BMP2K: variants seen among roughly 807,000 people sequenced by gnomAD.
The protein encoded by BMP2K is BMP2 inducible kinase.
A neutral mutation model predicts 116.0 loss-of-function variants in BMP2K; 74 were observed. The observed-to-expected ratio is 0.64, with a 90% CI of 0.53 to 0.77. The LOEUF is 0.77. BMP2K is among the 30% of genes least tolerant of loss of function. BMP2K has a pLI of 0.00. For missense variants in BMP2K, 1,365 were observed against 1,403.6 expected (o/e 0.97, Z 0.44); for synonymous variants, 486 against 502.5 (o/e 0.97, Z 0.44).
In BMP2K at chr4:78,776,489, GGCCGGGGACTT is replaced by G; in HGVS notation, c.-51_-41del. 2.7e-6 allele frequency: 3 copies of G among 1,117,820 alleles called. No individual in the cohort carries two copies. The allele number at this position is 1,117,820 out of a possible 1,614,324, so 69.2% of individuals were successfully genotyped here. On this transcript the variant is annotated 5_prime_UTR_variant, in exon 1 of 16. Coordinates refer to ENST00000502613, the MANE Select transcript of BMP2K (RefSeq NM_198892.2). ...CTCGCGGACGCCCGGCTGCGCGCCG[GGCCGGGGACTT>G]GCCCTTGCACGCTCCCTGCGCCCTC...
chr4:78,830,707 T>G (rs949009182), intron 2 of BMP2K, among the ~76,000 whole-genome samples: 2 of 152,232 alleles, frequency 1.3e-5, no homozygotes, highest in African/African-American at 2.4e-5. Flanking sequence ...CTTCTTTCCT[T>G]AAACCTCATG....
chr4:78,830,417 G>A (rs148032287), intron 2 of BMP2K, among the ~76,000 whole-genome samples: 75 of 152,288 alleles, frequency 4.9e-4, no homozygotes, highest in African/African-American at 1.8e-3. Flanking sequence ...AGCAGTTTTG[G>A]AATGGCAAGG....
At chr4:78,860,102 T>C (rs773584876) in intron 8 of BMP2K, 2 of 513,442 alleles carry the variant, frequency 3.9e-6, no homozygotes, top group Admixed American at 4.0e-5. Flanking sequence ...AACTTTGGTA[T>C]AAAGAGCACA....
intron 3 of BMP2K, among the ~76,000 whole-genome samples, chr4:78,836,343 G>C (rs369988819): frequency 2.0e-5 from 3 of 151,988 alleles, no homozygotes; most frequent in Admixed American, 6.5e-5. Flanking sequence ...CGTGAACCGG[G>C]GAGGTGGAGG....
chr4:78,911,755 G>A lies in BMP2K; in HGVS notation c.3208G>A (p.Gly1070Ser), dbSNP rs747324229. 2 of 1,613,960 alleles carry A rather than the reference G, an allele frequency of 1.2e-6. No homozygotes were observed. Among genetic ancestry groups the A allele is most frequent in the Admixed American group, 3.3e-5 (2 of 60,020 alleles). The stretch of plus-strand genomic sequence containing the variant: ...TGAGGAGAGCCTGTTGGACCCCTTC[G>A]GTGCCAAGCCCTTCCATTCTCCAGA... ...QPEESLLDPF[G>S]AKPFHSPDLS... Residue 1070 changes from glycine (G) to serine (S), a missense_variant, in exon 16 of 16, where the codon GGT becomes AGT. Physicochemically the swap from Gly to Ser is moderately conservative, Grantham distance 56 (BLOSUM62 0). Around this residue, in one of 3 missense-constraint regions of BMP2K, gnomAD observed 596 missense variants for 623.2 expected, o/e 0.96. Coordinates refer to ENST00000502613, the MANE Select transcript of BMP2K (RefSeq NM_198892.2).
intron 2 of BMP2K, among the ~76,000 whole-genome samples, chr4:78,827,298 C>T (rs563310058): frequency 1.3e-5 from 2 of 152,026 alleles, no homozygotes; most frequent in African/African-American, 4.8e-5. Context: ...AAGCAAAGCC[C>T]GGTCCAGAGT....
intron 10 of BMP2K, among the ~76,000 whole-genome samples, chr4:78,869,744 A>G (rs1732239888): frequency 6.6e-6 from 1 of 152,182 alleles, no homozygotes; most frequent in African/African-American, 2.4e-5. Flanking sequence ...CTTAAAGGCT[A>G]ATGATGGTTG....
At chr4:78,882,934 CA>C (rs1732931191) in intron 14 of BMP2K, among the ~76,000 whole-genome samples, 1 of 152,008 alleles carries the variant, frequency 6.6e-6, no homozygotes. Flanking sequence ...TGTAGAATAA[CA>C]GAGCTTTTCA....
chr4:78,818,973 T>C (rs565627234), intron 1 of BMP2K, among the ~76,000 whole-genome samples: 21 of 152,188 alleles, frequency 1.4e-4, no homozygotes, highest in Non-Finnish European at 2.2e-4. Flanking sequence ...ATTTTTTGTA[T>C]TTCTATTAGA....
At chr4:78,895,644 G>A (rs1278679860) in intron 15 of BMP2K, among the ~76,000 whole-genome samples, 1 of 152,104 alleles carries the variant, frequency 6.6e-6, no homozygotes, top group African/African-American at 2.4e-5. Context: ...TGGAAGTTGG[G>A]ATGTAGATGG....
At chr4:78,798,766 G>T (rs1728422302) in intron 1 of BMP2K, among the ~76,000 whole-genome samples, 1 of 152,310 alleles carries the variant, frequency 6.6e-6, no homozygotes, top group South Asian at 2.1e-4. Flanking sequence ...TCCTTTTGCT[G>T]TTGAGAAGTT....
chr4:78,788,896 T>G (rs376275926), intron 1 of BMP2K, among the ~76,000 whole-genome samples: 3 of 106,520 alleles, frequency 2.8e-5, no homozygotes, highest in South Asian at 7.2e-4. Flanking sequence ...ATAGTGGCTG[T>G]TTTTTTTTTT....
intron 1 of BMP2K, among the ~76,000 whole-genome samples, chr4:78,814,536 A>C (rs1354254653): frequency 3.9e-5 from 6 of 152,136 alleles, no homozygotes; most frequent in African/African-American, 1.4e-4. Context: ...AGTTCTCACA[A>C]GATCTGATGG....
chr4:78,911,643 C>T lies in BMP2K; in HGVS notation c.3096C>T (p.Ser1032=). Residue 1032 remains serine (S), a synonymous_variant, in exon 16 of 16, where the codon AGC becomes AGT. Coordinates refer to ENST00000502613, the MANE Select transcript of BMP2K (RefSeq NM_198892.2). ...TGGGCCGCCGAGACTCTCAAAGTAG[C>T]AATGAATTTTTAACCATCTCAGACT... ...KKVGRRDSQS[S]NEFLTISDSK... is the part of the protein sequence containing the mutation. 1 of 1,613,948 alleles carries T rather than the reference C, an allele frequency of 6.2e-7. No individual in the cohort carries two copies. The highest frequency in any genetic ancestry group is 8.5e-7 in the Non-Finnish European group (1 of 1,179,876).
intron 12 of BMP2K, chr4:78,872,303 C>CTTTTTTTTTTTTTTTTTTT (rs34599936): frequency 9.8e-5 from 9 of 92,278 alleles, no homozygotes; most frequent in African/African-American, 3.4e-4. Flanking sequence ...ATAATTTGAC[C>CTTTTTTTTTTTTTTTTTTT]TTTTTTTTTT....
At chr4:78,893,842 G>A (rs1333050853) in intron 15 of BMP2K, among the ~76,000 whole-genome samples, 1 of 152,190 alleles carries the variant, frequency 6.6e-6, no homozygotes, top group Non-Finnish European at 1.5e-5. Context: ...TGGGATTATA[G>A]TGTGAGCCAC....
intron 15 of BMP2K, among the ~76,000 whole-genome samples, chr4:78,890,917 G>T (rs1330437847): frequency 2.6e-5 from 4 of 152,276 alleles, no homozygotes; most frequent in Middle Eastern, 3.4e-3. Flanking sequence ...TGCCTAGGCT[G>T]GGTGGGGTGG....
chr4:78,884,916 C>T (rs1227343645), intron 14 of BMP2K, among the ~76,000 whole-genome samples: 3 of 152,134 alleles, frequency 2.0e-5, no homozygotes, highest in Admixed American at 6.5e-5. Context: ...ACTAGCTACT[C>T]TTTAATGGGT....
intron 15 of BMP2K, among the ~76,000 whole-genome samples, chr4:78,903,883 A>G (rs72660917): frequency 0.03 from 4,501 of 152,034 alleles, 84 homozygotes; most frequent in Non-Finnish European, 0.044. Flanking sequence ...ATAATATTCT[A>G]CTGGTAGTTT....
Sources: gnomAD v4.1 joint callset for allele counts (sites outside exome capture counted in the v4.1 genomes callset) on GRCh38, gnomAD v4.1.1 for gene constraint, gnomAD v4.1.1 regional missense constraint, MANE v1.5 for transcripts, NCBI Gene and HGNC (gene_info 2026-07-23, HGNC 2026-07-21) for gene names.